Variants in MTMR14 observed in about 807,000 individuals in gnomAD.
MTMR14 encodes phosphatidylinositol-3,5-bisphosphate 3-phosphatase MTMR14.
Under a neutral mutation model 86.3 loss-of-function variants are expected in MTMR14, and 48 were observed. The ratio of observed to expected loss-of-function variants is 0.56; its 90% CI spans 0.44 to 0.71. MTMR14 has a LOEUF of 0.71. MTMR14 is among the 30% of genes least tolerant of loss of function. MTMR14 has a pLI of 0.00. For missense variants in MTMR14, 780 were observed against 834.6 expected (o/e 0.93, Z 0.81); for synonymous variants, 366 against 326.1 (o/e 1.12, Z -1.32).
Position 9,677,176 on chromosome 3 carries a change from C to A in MTMR14, c.752-141C>A. 1.4e-6 allele frequency: 1 copy of A among 728,278 alleles called. No individual in the cohort carries two copies. The highest frequency in any genetic ancestry group is 1.7e-5 in the South Asian group (1 of 60,098). The allele number at this position is 728,278 out of a possible 1,614,324, so 45.1% of individuals were successfully genotyped here. A position where few individuals can be genotyped will look rare whatever the true frequency, so the allele number is the denominator to read the frequency against. On this transcript the variant is annotated intron_variant, in intron 7 of 18. Coordinates refer to ENST00000296003, the MANE Select transcript of MTMR14 (RefSeq NM_001077525.3). The surrounding 1 kb of genome is among the most constrained non-coding windows in gnomAD (Gnocchi z 4.2). Reference sequence around the variant, plus strand: ...TTTGCCCACCCGTGTCAGCCTTGGCCTCACTGAAGCCACTAGCTTGGAGAA... The same window carrying A: ...TTTGCCCACCCGTGTCAGCCTTGGCATCACTGAAGCCACTAGCTTGGAGAA...
rs948218702 is a variant in MTMR14 at position 9,649,513 on chromosome 3, G to A, written c.-71G>A. ...GGCTGAGGCGGTTCCGGAGGTTCTA[G>A]TGTCGGAGTTGGGTGCAGGCAGGTG... On this transcript the variant is annotated 5_prime_UTR_variant, in exon 1 of 19. In the 5' UTR this introduces an upstream ATG that the reference lacks. Coordinates refer to ENST00000296003, the MANE Select transcript of MTMR14 (RefSeq NM_001077525.3). 7.4e-6 allele frequency: 11 copies of A among 1,483,798 alleles called. No homozygotes were observed. In the South Asian group the frequency reaches 1.0e-4, roughly 14 times the overall value. 91.9% of individuals were successfully genotyped at this position (1,483,798 alleles called of 1,614,324 possible).
intron 17 of MTMR14, among the ~76,000 whole-genome samples, chr3:9,692,363 T>C (rs900135145): frequency 6.6e-6 from 1 of 152,248 alleles, no homozygotes; most frequent in African/African-American, 2.4e-5. Flanking sequence ...TGCCAATTCT[T>C]ACTAACCCCG....
intron 7 of MTMR14, chr3:9,675,551 A>T (rs1329532156): frequency 1.5e-5 from 7 of 456,958 alleles, no homozygotes; most frequent in Non-Finnish European, 3.1e-5. Context: ...GCACACCAAA[A>T]TAGATGGTCC....
chr3:9,699,972 T>C (rs2076402496), intron 18 of MTMR14: 1 of 152,266 alleles, frequency 6.6e-6, no homozygotes, highest in Admixed American at 6.5e-5. Context: ...TTGATGGTAG[T>C]ACAGGAATCC....
chr3:9,685,967 A>C (rs2075934164), intron 13 of MTMR14, among the ~76,000 whole-genome samples: 1 of 152,044 alleles, frequency 6.6e-6, no homozygotes, highest in African/African-American at 2.4e-5. Context: ...TGAGAGAATG[A>C]GTCCAGGTGC....
intron 17 of MTMR14, among the ~76,000 whole-genome samples, chr3:9,691,328 A>G (rs1025898153): frequency 1.1e-4 from 16 of 152,194 alleles, no homozygotes; most frequent in African/African-American, 3.6e-4. Context: ...AGACAAGCCC[A>G]TGTGCCGGTG....
At chr3:9,650,582 A>G (rs1008820542) in intron 1 of MTMR14, 1 of 315,878 alleles carries the variant, frequency 3.2e-6, no homozygotes, top group South Asian at 2.5e-5. Context: ...TAACCCAGGG[A>G]AGACTTCAGT....
At chr3:9,698,935 G>A (rs904296065) in intron 18 of MTMR14, among the ~76,000 whole-genome samples, 2 of 152,062 alleles carry the variant, frequency 1.3e-5, no homozygotes, top group Admixed American at 6.5e-5. Context: ...TAGGGAGGCC[G>A]AGGCGGGCGG....
At chr3:9,699,902 A>C (rs2076400010) in intron 18 of MTMR14, 1 of 152,228 alleles carries the variant, frequency 6.6e-6, no homozygotes, top group Non-Finnish European at 1.5e-5. Flanking sequence ...GTGAAATTAG[A>C]AAGTAAAAAG....
In MTMR14 at chr3:9,702,138, G is replaced by A. The variant is rs1395116033; in HGVS notation, c.*165G>A. 9.1e-6 allele frequency: 8 copies of A among 882,094 alleles called. No homozygotes were observed. The highest frequency in any genetic ancestry group is 9.0e-6 in the Non-Finnish European group (5 of 558,218). 54.6% of individuals were successfully genotyped at this position (882,094 alleles called of 1,614,324 possible). A position where few individuals can be genotyped will look rare whatever the true frequency, so the allele number is the denominator to read the frequency against. ...CAAAGCTGAGCAAGGCCAAAGACAG[G>A]GTTTTCCAACCCCCAGCCTCTTGAC... On this transcript the variant is annotated 3_prime_UTR_variant, in exon 19 of 19. Coordinates refer to ENST00000296003, the MANE Select transcript of MTMR14 (RefSeq NM_001077525.3).
intron 13 of MTMR14, among the ~76,000 whole-genome samples, chr3:9,685,925 C>T (rs374497717): frequency 6.6e-6 from 1 of 152,158 alleles, no homozygotes; most frequent in Non-Finnish European, 1.5e-5. Context: ...CTTGGGTGGT[C>T]TGCTTCACCT....
In MTMR14 at chr3:9,698,305, C is replaced by T. The variant is rs191928473; in HGVS notation, c.1769+439C>T. On this transcript the variant is annotated intron_variant, in intron 18 of 18. Coordinates refer to ENST00000296003, the MANE Select transcript of MTMR14 (RefSeq NM_001077525.3). The stretch of plus-strand genomic sequence containing the variant: ...CCTAGGGTTACTTGCTGTCTCTACC[C>T]GCCTTGTCTTCTGTTTTTGCCTCTG... Among the ~76,000 whole-genome samples, 310 of 152,346 alleles carry T rather than the reference C, an allele frequency of 2.0e-3. 3 individuals are homozygous for T. The highest frequency in any genetic ancestry group is 0.013 in the East Asian group (69 of 5,182).
intron 16 of MTMR14, among the ~76,000 whole-genome samples, chr3:9,689,528 T>A (rs1369436078): frequency 6.6e-6 from 1 of 152,162 alleles, no homozygotes; most frequent in Non-Finnish European, 1.5e-5. Context: ...GACAGATGGC[T>A]CAAGATGTTG....
chr3:9,701,959 A>AT lies in MTMR14; in HGVS notation c.1939_1940insT (p.Ser647MetfsTer22). ...TGGTGTTGGACTCCGGAGCATCAGC[A>AT]GCAATGCCTTGTGAAGAAGCCAGCC... is the stretch of plus-strand genomic sequence containing the variant. On this transcript the variant is annotated frameshift_variant, in exon 19 of 19. Coordinates refer to ENST00000296003, the MANE Select transcript of MTMR14 (RefSeq NM_001077525.3). LOFTEE classifies it high-confidence loss of function. This position sits in a 1 kb window ranked among gnomAD's most constrained non-coding sequence, Gnocchi z 4.2. 1 of 1,614,182 alleles carries AT rather than the reference A, an allele frequency of 6.2e-7. No homozygotes were observed. The highest frequency in any genetic ancestry group is 8.5e-7 in the Non-Finnish European group (1 of 1,180,036).
intron 3 of MTMR14, among the ~76,000 whole-genome samples, chr3:9,663,679 A>G (rs1466879514): frequency 6.7e-6 from 1 of 148,994 alleles, no homozygotes; most frequent in East Asian, 2.0e-4. Context: ...ACGCCCGGCT[A>G]ATTTTTTGCA....
At chr3:9,686,592 G>T (rs2075964752) in intron 13 of MTMR14, among the ~76,000 whole-genome samples, 2 of 152,208 alleles carry the variant, frequency 1.3e-5, no homozygotes, top group East Asian at 1.9e-4. Context: ...GAGGTTCGGG[G>T]AACATATTAG....
intron 2 of MTMR14, among the ~76,000 whole-genome samples, chr3:9,661,304 T>C (rs2047915918): frequency 6.6e-6 from 1 of 152,200 alleles, no homozygotes; most frequent in Admixed American, 6.5e-5. Flanking sequence ...CAGATGAAAC[T>C]GTTCCACCTC....
At position 9,701,684 on chromosome 3, in the gene MTMR14, C is replaced by T. The variant is rs1480929786; in HGVS notation, c.1770-106C>T. The T allele has an allele frequency of 3.0e-6, 4 of 1,317,500 alleles. No homozygotes were observed. The highest frequency in any genetic ancestry group is 1.8e-5 in the Admixed American group (1 of 56,396). 81.6% of individuals were successfully genotyped at this position (1,317,500 alleles called of 1,614,324 possible). A position where few individuals can be genotyped will look rare whatever the true frequency, so the allele number is the denominator to read the frequency against. Reference sequence around the variant, plus strand: ...CCGTAGGACAGACACTGGCCTTGTACAGTCAGAAGAAGCACAAGGACAGGT... The same window carrying T: ...CCGTAGGACAGACACTGGCCTTGTATAGTCAGAAGAAGCACAAGGACAGGT... On this transcript the variant is annotated intron_variant, in intron 18 of 18. Coordinates refer to ENST00000296003, the MANE Select transcript of MTMR14 (RefSeq NM_001077525.3). This position sits in a 1 kb window ranked among gnomAD's most constrained non-coding sequence, Gnocchi z 4.2.
At chr3:9,650,361 C>G (rs1395873857) in intron 1 of MTMR14, 4 of 456,592 alleles carry the variant, frequency 8.8e-6, no homozygotes, top group South Asian at 6.2e-5. Flanking sequence ...GGCTTCCTGT[C>G]AGCTCAGGCC....
Sources: allele counts gnomAD v4.1 joint callset (sites outside exome capture counted in the v4.1 genomes callset), GRCh38; gene constraint gnomAD v4.1.1; non-coding constraint Gnocchi (gnomAD v3.1); transcripts MANE v1.5; gene names NCBI Gene and HGNC (gene_info 2026-07-23, HGNC 2026-07-21).